The following NTRK3 variants were observed in gnomAD, a reference collection of about 807,000 sequenced individuals.
NTRK3 encodes the protein NT-3 growth factor receptor.
In NTRK3, 24 loss-of-function variants were observed where a neutral mutation model predicts 91.7. The observed-to-expected ratio is 0.26, with a 90% CI of 0.19 to 0.37. NTRK3 has a LOEUF of 0.37. Among genes scored for constraint, NTRK3 ranks in the 10% least tolerant of loss-of-function variants. The pLI, the probability that NTRK3 is intolerant of heterozygous loss-of-function variation, is 1.00. For synonymous variants in NTRK3, 483 were observed against 404.0 expected (o/e 1.20, Z -2.34); for missense variants, 880 against 1,068.9 (o/e 0.82, Z 2.46).
At chr15:88,225,451 T>C (rs8035027) in intron 3 of NTRK3, among the ~76,000 whole-genome samples, 118,862 of 151,924 alleles carry the variant, frequency 0.78, 48,498 homozygotes, top group East Asian at 0.96. Context: ...CTGTTTTCTG[T>C]AGGAGGGACC....
chr15:87,940,665 G>A (rs2142018149), exon 15 of NTRK3: 2 of 1,614,100 alleles, frequency 1.2e-6, no homozygotes, highest in Non-Finnish European at 1.7e-6. Context: ...GGCTGAGGTT[G>A]TAGCACTCGG....
intron 3 of NTRK3, among the ~76,000 whole-genome samples, chr15:88,207,049 A>G (rs940065829): frequency 6.6e-6 from 1 of 152,156 alleles, no homozygotes; most frequent in African/African-American, 2.4e-5. Context: ...TCAAACTCGG[A>G]GTCACTGGCT....
intron 3 of NTRK3, among the ~76,000 whole-genome samples, chr15:88,204,314 T>C (rs2048552337): frequency 6.6e-6 from 1 of 152,210 alleles, no homozygotes; most frequent in South Asian, 2.1e-4. Flanking sequence ...CTCTCCCCTA[T>C]TACCTTCTAA....
intron 3 of NTRK3, among the ~76,000 whole-genome samples, chr15:88,248,631 T>C (rs1367732736): frequency 6.6e-6 from 1 of 152,190 alleles, no homozygotes; most frequent in Non-Finnish European, 1.5e-5. Flanking sequence ...CCAGACTGCT[T>C]TCCCATTTAC....
At chr15:88,229,369 G>A (rs2050971739) in intron 3 of NTRK3, among the ~76,000 whole-genome samples, 1 of 152,110 alleles carries the variant, frequency 6.6e-6, no homozygotes, top group Non-Finnish European at 1.5e-5. Flanking sequence ...TTACACTCAG[G>A]ATCTTTCCAA....
At chr15:87,996,418 G>A (rs1049391105) in intron 14 of NTRK3, among the ~76,000 whole-genome samples, 6 of 152,148 alleles carry the variant, frequency 3.9e-5, no homozygotes, top group African/African-American at 1.4e-4. Flanking sequence ...GAACCAAGAG[G>A]ATGGATGCCA....
intron 6 of NTRK3, among the ~76,000 whole-genome samples, chr15:88,140,771 T>C (rs2042313215): frequency 2.0e-5 from 3 of 152,202 alleles, no homozygotes; most frequent in Admixed American, 6.5e-5. Context: ...TCTATTTCAT[T>C]GTCTCCTGAA....
exon 19 of NTRK3, chr15:87,876,156 G>T: frequency 4.3e-6 from 1 of 233,144 alleles, no homozygotes; most frequent in African/African-American, 2.2e-5. Flanking sequence ...CACATCCTTT[G>T]CAACTCCAGC....
chr15:87,998,411 G>A (rs980585069), intron 14 of NTRK3, among the ~76,000 whole-genome samples: 7 of 152,236 alleles, frequency 4.6e-5, no homozygotes, highest in African/African-American at 1.4e-4. Flanking sequence ...ATGGCCACAT[G>A]GCCAAGGACA....
intron 14 of NTRK3, among the ~76,000 whole-genome samples, chr15:87,970,859 C>T (rs967444037): frequency 1.3e-5 from 2 of 152,134 alleles, no homozygotes; most frequent in African/African-American, 4.8e-5. Context: ...TAAGGGAGAA[C>T]CATATTGCAG....
chr15:88,128,316 T>C (rs2053497791), intron 11 of NTRK3, among the ~76,000 whole-genome samples: 2 of 152,198 alleles, frequency 1.3e-5, no homozygotes, highest in Admixed American at 1.3e-4. Flanking sequence ...CTCAGGCTCC[T>C]GAAGCAGGTG....
chr15:88,060,876 A>T (rs1034455861), intron 13 of NTRK3, among the ~76,000 whole-genome samples: 1 of 152,200 alleles, frequency 6.6e-6, no homozygotes, highest in South Asian at 2.1e-4. Flanking sequence ...TAAATTTACT[A>T]TCAATATATC....
chr15:87,913,592 C>A (rs913841482), intron 17 of NTRK3, among the ~76,000 whole-genome samples: 1 of 152,148 alleles, frequency 6.6e-6, no homozygotes, highest in Non-Finnish European at 1.5e-5. Context: ...CACTTGAAAT[C>A]TATTAATATG....
At chr15:88,060,819 G>C (rs1388324037) in intron 13 of NTRK3, among the ~76,000 whole-genome samples, 1 of 152,116 alleles carries the variant, frequency 6.6e-6, no homozygotes, top group African/African-American at 2.4e-5. Context: ...AGTGTAAGAA[G>C]TTATTTTTGC....
At chr15:88,082,067 G>T (rs1051897340) in intron 13 of NTRK3, among the ~76,000 whole-genome samples, 1 of 152,240 alleles carries the variant, frequency 6.6e-6, no homozygotes, top group Non-Finnish European at 1.5e-5. Context: ...ACGAGGCCAG[G>T]AGATGGAGAC....
intron 14 of NTRK3, among the ~76,000 whole-genome samples, chr15:88,019,232 C>G (rs1203053257): frequency 6.6e-6 from 1 of 152,186 alleles, no homozygotes; most frequent in Non-Finnish European, 1.5e-5. Flanking sequence ...CATTCTACCC[C>G]CTGTACCCCA....
At chr15:88,145,078 G>A (rs572863142) in intron 6 of NTRK3, among the ~76,000 whole-genome samples, 56 of 152,070 alleles carry the variant, frequency 3.7e-4, no homozygotes, top group African/African-American at 1.1e-3. Flanking sequence ...CCATCCCCAC[G>A]CCCCAGCCCA....
intron 14 of NTRK3, among the ~76,000 whole-genome samples, chr15:87,980,276 G>A (rs2074109001): frequency 6.6e-6 from 1 of 151,232 alleles, no homozygotes; most frequent in Admixed American, 6.6e-5. Flanking sequence ...CCAGAAAGAT[G>A]TTGTTCAATC....
At chr15:88,251,855 A>T (rs1481835107) in intron 3 of NTRK3, among the ~76,000 whole-genome samples, 1 of 152,144 alleles carries the variant, frequency 6.6e-6, no homozygotes, top group Non-Finnish European at 1.5e-5. Context: ...GGGCCAGTAG[A>T]TGAGGACTTT....
Sources: allele counts gnomAD v4.1 joint callset (sites outside exome capture counted in the v4.1 genomes callset), GRCh38; gene constraint gnomAD v4.1.1; transcripts MANE v1.5; gene names NCBI Gene and HGNC (gene_info 2026-07-23, HGNC 2026-07-21).